Variants in RNF32 observed in about 807,000 individuals in gnomAD.
RNF32 encodes ring finger protein 32.
Under a neutral mutation model 41.0 loss-of-function variants are expected in RNF32, and 36 were observed. The ratio of observed to expected loss-of-function variants is 0.88; its 90% CI spans 0.67 to 1.16. The LOEUF is 1.16. Among genes scored for constraint, RNF32 ranks in the 50% most tolerant of loss-of-function variants. The probability of loss-of-function intolerance (pLI) is 0.00; values close to 1 mark genes in which losing one functional copy is unlikely to be tolerated. For synonymous variants in RNF32, 154 were observed against 160.9 expected, an observed-to-expected ratio of 0.96 and a Z score of 0.32; for missense variants, 413 against 436.7, an observed-to-expected ratio of 0.95 and a Z score of 0.48.
intron 7 of RNF32, among the ~76,000 whole-genome samples, chr7:156,666,128 GAT>G (rs1164788318): frequency 6.6e-6 from 1 of 152,160 alleles, no homozygotes; most frequent in Non-Finnish European, 1.5e-5. Context: ...ATAATAGTTT[GAT>G]ATTTTTAGAC....
At chr7:156,668,525 T>C (rs772738634) in intron 7 of RNF32, among the ~76,000 whole-genome samples, 4 of 152,174 alleles carry the variant, frequency 2.6e-5, no homozygotes, top group African/African-American at 7.2e-5. Context: ...GCCACCCTGC[T>C]TCCCTCTGCC....
intron 3 of RNF32, among the ~76,000 whole-genome samples, chr7:156,649,529 CTTTG>C (rs1798431189): frequency 6.6e-6 from 1 of 151,970 alleles, no homozygotes. Context: ...GATGTTTGCC[CTTTG>C]TTTATTGTTG....
chr7:156,676,220 C>A, intron 8 of RNF32, 199 bp from the exon 9 acceptor site: 1 of 1,497,902 alleles, frequency 6.7e-7, no homozygotes, highest in African/African-American at 1.4e-5. Context: ...CCACAGTTCC[C>A]AGGAGTAACA....
At chr7:156,657,361 T>G in intron 4 of RNF32, 180 bp from the exon 5 acceptor site, 1 of 597,508 alleles carries the variant, frequency 1.7e-6, no homozygotes, top group Non-Finnish European at 3.0e-6. Flanking sequence ...TTTTTGTTAT[T>G]TAGAGTATAT....
chr7:156,649,899 A>G (rs1798481787), intron 3 of RNF32, among the ~76,000 whole-genome samples: 1 of 152,250 alleles, frequency 6.6e-6, no homozygotes, highest in Non-Finnish European at 1.5e-5. Flanking sequence ...TCAAAGCCAT[A>G]TAAGCTTCAC....
chr7:156,669,141 T>C lies in RNF32; in HGVS notation c.685-6555T>C, dbSNP rs1220691535. On this transcript the variant is annotated intron_variant, in intron 7 of 8. Coordinates refer to ENST00000317955, the MANE Select transcript of RNF32 (RefSeq NM_030936.4). This position sits in a 1 kb window ranked among gnomAD's most constrained non-coding sequence, Gnocchi z 4.2. ...GAGTTGTGTACTTTGTGAGCCTTCA[T>C]TGTAAAGGGTGTGCTGACCAGCCCC... 1 of 152,160 alleles carries C rather than the reference T, an allele frequency of 6.6e-6. No individual in the cohort carries two copies. The highest frequency in any genetic ancestry group is 2.4e-5 in the African/African-American group (1 of 41,444). The allele number at this position is 152,160 out of a possible 1,614,324, so 9.4% of individuals were successfully genotyped here. A position where few individuals can be genotyped will look rare whatever the true frequency, so the allele number is the denominator to read the frequency against.
In RNF32 at chr7:156,676,952, G is replaced by A. The variant is rs1322144675; in HGVS notation, c.*297G>A. 6.4e-6 allele frequency: 2 copies of A among 313,954 alleles called. No homozygotes were observed. The highest frequency in any genetic ancestry group is 1.3e-4 in the East Asian group (2 of 15,502). The allele number at this position is 313,954 out of a possible 1,614,324, so 19.4% of individuals were successfully genotyped here. ...TGAGGTTAAGATATAGCTAGTGTCT[G>A]AACGACACTCCTTAAAGTAAGTTCC... On this transcript the variant is annotated 3_prime_UTR_variant, in exon 9 of 9. Transcript: ENST00000317955.
At position 156,655,419 on chromosome 7, in the gene RNF32, C is replaced by A. The variant is rs1037331359; in HGVS notation, c.417+701C>A. Reference sequence around the variant, plus strand: ...AGAAGTGTGTGTGTGCGTGCACGTGCGTGCGTGGTTGCCCTGTAACAATTT... The same window carrying A: ...AGAAGTGTGTGTGTGCGTGCACGTGAGTGCGTGGTTGCCCTGTAACAATTT... On this transcript the variant is annotated intron_variant, in intron 4 of 8. Transcript: ENST00000317955. Among the ~76,000 whole-genome samples, 10 of 152,304 alleles carry A rather than the reference C, an allele frequency of 6.6e-5. No homozygotes were observed. In the South Asian group the frequency reaches 1.9e-3, roughly 28 times the overall value.
At chr7:156,640,268 C>G (rs1457976962), upstream of RNF32, 1 of 445,536 alleles carries the variant, frequency 2.2e-6, no homozygotes, top group African/African-American at 2.0e-5. Context: ...AGGGGCGGTG[C>G]GCTCGAGACC....
intron 7 of RNF32, among the ~76,000 whole-genome samples, chr7:156,660,917 G>A (rs1800558427): frequency 6.6e-6 from 1 of 152,216 alleles, no homozygotes; most frequent in Non-Finnish European, 1.5e-5. Flanking sequence ...TGGCCAGAAA[G>A]GCGTGATATC....
intron 7 of RNF32, among the ~76,000 whole-genome samples, chr7:156,660,809 C>T (rs989008168): frequency 6.6e-6 from 1 of 152,212 alleles, no homozygotes; most frequent in African/African-American, 2.4e-5. Flanking sequence ...AGAAAGTGCA[C>T]CCCGGGCGGT....
At chr7:156,640,362 C>A (rs749573448), upstream of RNF32, 37 of 444,430 alleles carry the variant, frequency 8.3e-5, no homozygotes, top group Non-Finnish European at 1.4e-4. Context: ...AGCGTGGCTG[C>A]GCCCACAAAG....
chr7:156,670,959 A>G lies in RNF32; in HGVS notation c.685-4737A>G, dbSNP rs1201858179. On this transcript the variant is annotated intron_variant, in intron 7 of 8. Transcript: ENST00000317955. The surrounding 1 kb of genome is among the most constrained non-coding windows in gnomAD (Gnocchi z 4.3). The stretch of plus-strand genomic sequence containing the variant: ...AACAAGAAAACTCATGTCTCAGGTT[A>G]AAAGAGAGAGAGAGCTTATGACAAA... Among the ~76,000 whole-genome samples the G allele has an allele frequency of 2.6e-5, 4 of 152,232 alleles. No homozygotes were observed. Among genetic ancestry groups the G allele is most frequent in the Admixed American group, 2.0e-4 (3 of 15,284 alleles).
chr7:156,648,310 G>T lies in RNF32; in HGVS notation c.274+3553G>T, dbSNP rs376562461. On this transcript the variant is annotated intron_variant, in intron 3 of 8. Coordinates refer to ENST00000317955, the MANE Select transcript of RNF32 (RefSeq NM_030936.4). ...ACCTGTTTCCACAGCGACGCCAGGG[G>T]AGATATTTGATGCTGTCTTCCTCTG... Among the ~76,000 whole-genome samples, 7 of 152,244 alleles carry T rather than the reference G, an allele frequency of 4.6e-5. No homozygotes were observed. In the East Asian group the frequency reaches 9.7e-4, roughly 21 times the overall value.
chr7:156,675,173 G>A (rs528949652), intron 7 of RNF32, among the ~76,000 whole-genome samples: 4 of 152,366 alleles, frequency 2.6e-5, no homozygotes, highest in Admixed American at 6.5e-5. Flanking sequence ...AGACAGTAAC[G>A]CCTGAGCGCT....
intron 3 of RNF32, among the ~76,000 whole-genome samples, chr7:156,650,428 G>A (rs1164087235): frequency 2.0e-5 from 3 of 152,230 alleles, no homozygotes; most frequent in Non-Finnish European, 4.4e-5. Context: ...CTGTGAGGCT[G>A]AGCCCATTTC....
intron 7 of RNF32, among the ~76,000 whole-genome samples, chr7:156,664,860 T>C (rs1337197156): frequency 6.6e-6 from 1 of 152,202 alleles, no homozygotes; most frequent in Non-Finnish European, 1.5e-5. Context: ...TTTCCAATGA[T>C]AGAAACAGAA....
chr7:156,640,395 G>C (rs774161337), upstream of RNF32: 5 of 428,428 alleles, frequency 1.2e-5, no homozygotes, highest in Admixed American at 2.7e-5. Flanking sequence ...GCGGACTACA[G>C]CGAAGCCGGC....
intron 7 of RNF32, among the ~76,000 whole-genome samples, chr7:156,674,257 AC>A (rs947309337): frequency 2.0e-5 from 3 of 151,468 alleles, no homozygotes; most frequent in Admixed American, 6.6e-5. Flanking sequence ...TTTATCTGCC[AC>A]CCCCCGGGCC....
Sources: allele counts gnomAD v4.1 joint callset (sites outside exome capture counted in the v4.1 genomes callset), GRCh38; gene constraint gnomAD v4.1.1; non-coding constraint Gnocchi (gnomAD v3.1); transcripts MANE v1.5; gene names NCBI Gene and HGNC (gene_info 2026-07-23, HGNC 2026-07-21).